The following LRRFIP2 variants were observed in gnomAD, a reference collection of about 807,000 sequenced individuals.
LRRFIP2 encodes leucine-rich repeat flightless-interacting protein 2.
LRRFIP2 carries 109 observed loss-of-function variants against 125.9 expected under a neutral mutation model. The ratio of observed to expected loss-of-function variants is 0.87; its 90% CI spans 0.74 to 1.01. The LOEUF (loss-of-function observed/expected upper bound fraction) is 1.01. Among genes scored for constraint, LRRFIP2 ranks in the 50% least tolerant of loss-of-function variants. The pLI is 0.00. For synonymous variants in LRRFIP2, 291 were observed against 293.1 expected (o/e 0.99, Z 0.07); for missense variants, 850 against 862.3 (o/e 0.99, Z 0.18).
Position 37,065,623 on chromosome 3 carries a change from A to G in LRRFIP2, c.1699+187T>C, listed in dbSNP as rs771418879. ...TACACTTATTGCCTTACAGTGACCC[A>G]GATGCTGATTTCCCAAGGTCAAGGA... On this transcript the variant is annotated intron_variant, in intron 23 of 27. Coordinates refer to ENST00000336686, the MANE Select transcript of LRRFIP2 (RefSeq NM_006309.4). 40 of 737,288 alleles carry G rather than the reference A, an allele frequency of 5.4e-5. No homozygotes were observed. In the Admixed American group the frequency reaches 8.0e-4, roughly 15 times the overall value. The allele number at this position is 737,288 out of a possible 1,614,324, so 45.7% of individuals were successfully genotyped here.
In LRRFIP2 at chr3:37,146,161, T is replaced by G. The variant is rs74779904; in HGVS notation, c.90+2733A>C. Among the ~76,000 whole-genome samples, 62 of 152,330 alleles carry G rather than the reference T, an allele frequency of 4.1e-4. 1 individual carries two copies. In the East Asian group the frequency reaches 0.012, roughly 28 times the overall value. ...CAGAAATCTGGGTAAATCCCTCCAA[T>G]TTTGAAAGGAAACATTCTGGGTAGT... On this transcript the variant is annotated intron_variant, in intron 2 of 27. Coordinates refer to ENST00000336686, the MANE Select transcript of LRRFIP2 (RefSeq NM_006309.4).
chr3:37,102,504 T>C (rs2094118003), intron 15 of LRRFIP2, among the ~76,000 whole-genome samples: 1 of 149,986 alleles, frequency 6.7e-6, no homozygotes, highest in African/African-American at 2.5e-5. Context: ...AATTCTTTTT[T>C]TTTTTTTTTT....
chr3:37,061,224 A>G (rs934422812), intron 24 of LRRFIP2, among the ~76,000 whole-genome samples: 1 of 151,902 alleles, frequency 6.6e-6, no homozygotes, highest in Non-Finnish European at 1.5e-5. Context: ...CATGCCTGTA[A>G]TCCCAGCACT....
At chr3:37,161,959 G>T (rs1638649308) in intron 1 of LRRFIP2, among the ~76,000 whole-genome samples, 1 of 151,948 alleles carries the variant, frequency 6.6e-6, no homozygotes, top group Admixed American at 6.6e-5. Context: ...AAGGCAGGTG[G>T]ATCCCTTGAG....
chr3:37,085,183 G>A (rs2092950664), intron 18 of LRRFIP2, among the ~76,000 whole-genome samples: 1 of 152,152 alleles, frequency 6.6e-6, no homozygotes, highest in Non-Finnish European at 1.5e-5. Flanking sequence ...TCATGAAGTT[G>A]GGATAGGCAA....
At chr3:37,131,909 TC>T (rs945359468) in intron 2 of LRRFIP2, among the ~76,000 whole-genome samples, 2 of 152,166 alleles carry the variant, frequency 1.3e-5, no homozygotes, top group Non-Finnish European at 2.9e-5. Context: ...ACTCAACTAT[TC>T]CAATTGTGGC....
chr3:37,119,161 G>A (rs995145911), intron 6 of LRRFIP2, among the ~76,000 whole-genome samples: 1 of 152,136 alleles, frequency 6.6e-6, no homozygotes, highest in Non-Finnish European at 1.5e-5. Flanking sequence ...CCTCTAGGAT[G>A]TAAAACTTTT....
chr3:37,068,596 A>T (rs1422549067), intron 21 of LRRFIP2: 1 of 152,130 alleles, frequency 6.6e-6, no homozygotes, highest in Non-Finnish European at 1.5e-5. Context: ...TGACCATATA[A>T]CCACTACCCT....
intron 26 of LRRFIP2, 27 bp from the exon 27 acceptor site, chr3:37,054,542 A>G: frequency 6.7e-7 from 1 of 1,486,220 alleles, no homozygotes; most frequent in Non-Finnish European, 9.3e-7. Context: ...ATAGGCCTCT[A>G]GTACTGGGCA....
intron 2 of LRRFIP2, among the ~76,000 whole-genome samples, chr3:37,145,141 C>T (rs1293993341): frequency 1.3e-5 from 2 of 152,136 alleles, no homozygotes; most frequent in Admixed American, 6.5e-5. Context: ...TTATGTTTAA[C>T]CACTTTAAGT....
chr3:37,083,515 T>G, intron 19 of LRRFIP2, 121 bp downstream of exon 19: 1 of 648,014 alleles, frequency 1.5e-6, no homozygotes, highest in Non-Finnish European at 2.5e-6. Context: ...GTCAATTTCC[T>G]TGGGCCATTC....
chr3:37,172,649 CT>C (rs2096601365), intron 1 of LRRFIP2: 1 of 152,180 alleles, frequency 6.6e-6, no homozygotes. Context: ...ATTATCTCTA[CT>C]TTTATCTACT....
chr3:37,101,635 G>A (rs137931758), intron 15 of LRRFIP2, among the ~76,000 whole-genome samples: 48 of 141,884 alleles, frequency 3.4e-4, no homozygotes, highest in Non-Finnish European at 2.3e-4. Flanking sequence ...GCTGCACTCC[G>A]ACCTGGACGA....
rs1344118180 is a variant in LRRFIP2 at position 37,066,289 on chromosome 3, T to C, written c.1501A>G (p.Arg501Gly). ...EKQKEYIACL[R>G]NERDMLREEL... is the part of the protein sequence containing the mutation. ...TCTCTGAGCATATCTCGCTCATTCC[T>C]AAGGCAGGCAATGTATTCTTTCTGT... is the stretch of plus-strand genomic sequence containing the variant. The change falls in exon 22 of 28, where the codon AGG becomes GGG. Residue 501 changes from arginine (R) to glycine (G), a missense_variant. Transcript: ENST00000336686. 13 of 1,614,198 alleles carry C rather than the reference T, an allele frequency of 8.1e-6. No individual in the cohort carries two copies. The highest frequency in any genetic ancestry group is 1.0e-5 in the Non-Finnish European group (12 of 1,179,996).
At chr3:37,122,779 A>T (rs2095108718) in intron 4 of LRRFIP2, among the ~76,000 whole-genome samples, 1 of 152,210 alleles carries the variant, frequency 6.6e-6, no homozygotes, top group Non-Finnish European at 1.5e-5. Flanking sequence ...GCAGCCTAAC[A>T]GTTGACTAAA....
chr3:37,114,796 A>T lies in LRRFIP2; in HGVS notation c.372+258T>A, dbSNP rs1012909958. 7.8e-5 allele frequency among the ~76,000 whole-genome samples: 9 copies of T among 115,710 alleles called. No homozygotes were observed. In the South Asian group the frequency reaches 2.5e-3, roughly 32 times the overall value. The allele number at this position is 115,710 out of a possible 152,430, so 75.9% of individuals were successfully genotyped here. ...AGAGAGGGACCCCATCTTTAAAATTAAAAAAAAAAAAAAGATATTACTACC... is the reference window on the plus strand; with the variant it reads ...AGAGAGGGACCCCATCTTTAAAATTTAAAAAAAAAAAAAGATATTACTACC... On this transcript the variant is annotated intron_variant, in intron 7 of 27. Transcript: ENST00000336686.
intron 2 of LRRFIP2, among the ~76,000 whole-genome samples, chr3:37,140,158 C>T (rs1250446656): frequency 6.6e-6 from 1 of 152,130 alleles, no homozygotes; most frequent in African/African-American, 2.4e-5. Flanking sequence ...GCACATTTTT[C>T]CCTGCTAGCA....
chr3:37,158,605 C>CAA (rs11423668), intron 1 of LRRFIP2, among the ~76,000 whole-genome samples: 44 of 126,872 alleles, frequency 3.5e-4, no homozygotes, highest in African/African-American at 5.3e-4. Flanking sequence ...AGACTCCTCT[C>CAA]AAAAAAAAAA....
At chr3:37,074,403 C>T (rs1374419355) in intron 20 of LRRFIP2, among the ~76,000 whole-genome samples, 1 of 152,148 alleles carries the variant, frequency 6.6e-6, no homozygotes. Flanking sequence ...CTAAAAACAT[C>T]GTCTCAGGAG....
Sources: allele counts gnomAD v4.1 joint callset (sites outside exome capture counted in the v4.1 genomes callset), GRCh38; gene constraint gnomAD v4.1.1; transcripts MANE v1.5; gene names NCBI Gene and HGNC (gene_info 2026-07-23, HGNC 2026-07-21).